Variants in PTPN6 observed in about 807,000 individuals in gnomAD.
The protein encoded by PTPN6 is protein tyrosine phosphatase non-receptor type 6, also known as tyrosine-protein phosphatase non-receptor type 6.
Under a neutral mutation model 81.5 loss-of-function variants are expected in PTPN6, and 18 were observed. The ratio of observed to expected loss-of-function variants is 0.22; its 90% CI spans 0.15 to 0.33. The LOEUF (loss-of-function observed/expected upper bound fraction) is 0.33. PTPN6 is among the 10% of genes least tolerant of loss of function. The pLI is 1.00. For synonymous variants in PTPN6, 301 were observed against 310.9 expected (o/e 0.97, Z 0.33); for missense variants, 500 against 794.2 (o/e 0.63, Z 4.45).
In PTPN6 at chr12:6,959,561, A is replaced by C; in HGVS notation, c.1362-366A>C. On this transcript the variant is annotated intron_variant, in intron 11 of 15. Coordinates refer to ENST00000318974, the MANE Select transcript of PTPN6 (RefSeq NM_002831.6). The surrounding 1 kb of genome is among the most constrained non-coding windows in gnomAD (Gnocchi z 6.6). ...GAGACGCTCCATAACTCCTTCAGGGAGAGGCGGGGAGGGCTCAGGGTACCT... is the reference window on the plus strand; with the variant it reads ...GAGACGCTCCATAACTCCTTCAGGGCGAGGCGGGGAGGGCTCAGGGTACCT... The C allele has an allele frequency of 2.2e-6, 1 of 455,804 alleles. No individual in the cohort carries two copies. The highest frequency in any genetic ancestry group is 4.0e-6 in the Non-Finnish European group (1 of 248,192). The allele number at this position is 455,804 out of a possible 1,614,324, so 28.2% of individuals were successfully genotyped here.
chr12:6,956,597 C>G lies in PTPN6; in HGVS notation c.1074+29C>G, dbSNP rs782797706. The G allele has an allele frequency of 1.2e-6, 2 of 1,612,538 alleles. No individual in the cohort carries two copies. The highest frequency in any genetic ancestry group is 1.3e-5 in the African/African-American group (1 of 74,972). ...GGGCGCCCCCCCTTCCCCGCATCCG[C>G]CCCCGTGCTTGTGGTCATGCCATTA... is the stretch of plus-strand genomic sequence containing the variant. On this transcript the variant is annotated intron_variant, in intron 9 of 15. Coordinates refer to ENST00000318974, the MANE Select transcript of PTPN6 (RefSeq NM_002831.6). The surrounding 1 kb of genome is among the most constrained non-coding windows in gnomAD (Gnocchi z 4.1).
At position 6,957,501 on chromosome 12, in the gene PTPN6, C is replaced by T. The variant is rs992586793; in HGVS notation, c.1075-153C>T. The stretch of plus-strand genomic sequence containing the variant: ...CCACCTGTTGGTGGTTGATCTGAGA[C>T]GAGAGCCCAGGTCTCCTGCCTCTCT... On this transcript the variant is annotated intron_variant, in intron 9 of 15. Transcript: ENST00000318974. The surrounding 1 kb of genome is among the most constrained non-coding windows in gnomAD (Gnocchi z 6.5). Among the ~76,000 whole-genome samples the T allele has an allele frequency of 1.8e-4, 27 of 152,212 alleles. No individual in the cohort carries two copies. The highest frequency in any genetic ancestry group is 1.5e-3 in the East Asian group (8 of 5,186).
chr12:6,952,550 C>T lies in PTPN6; in HGVS notation c.326+373C>T, dbSNP rs1224200512. The T allele has an allele frequency of 5.6e-6, 2 of 358,984 alleles. No homozygotes were observed. Among genetic ancestry groups the T allele is most frequent in the Non-Finnish European group, 1.1e-5 (2 of 186,408 alleles). The allele number at this position is 358,984 out of a possible 1,614,324, so 22.2% of individuals were successfully genotyped here. ...TTCCTCTGGAATCGAGCCTGCCTTC[C>T]TCCGTCTGCCCCTCACCCCAGCACA... On this transcript the variant is annotated intron_variant, in intron 3 of 15. Coordinates refer to ENST00000318974, the MANE Select transcript of PTPN6 (RefSeq NM_002831.6). This position sits in a 1 kb window ranked among gnomAD's most constrained non-coding sequence, Gnocchi z 8.1.
chr12:6,957,619 C>A lies in PTPN6; in HGVS notation c.1075-35C>A. 6.2e-7 allele frequency: 1 copy of A among 1,608,034 alleles called. No individual in the cohort carries two copies. Among genetic ancestry groups the A allele is most frequent in the South Asian group, 1.1e-5 (1 of 89,966 alleles). On this transcript the variant is annotated intron_variant, in intron 9 of 15. Transcript: ENST00000318974. This position sits in a 1 kb window ranked among gnomAD's most constrained non-coding sequence, Gnocchi z 6.5. Reference sequence around the variant, plus strand: ...CTGGGATGGGCCACAGTGCCCTGCTCTGTGCCTCATCCCCACCCGACCCTC... The same window carrying A: ...CTGGGATGGGCCACAGTGCCCTGCTATGTGCCTCATCCCCACCCGACCCTC...
rs781848407 is a variant in PTPN6 at position 6,952,160 on chromosome 12, C to T, written c.309C>T (p.Ser103=). 3.6e-5 allele frequency: 58 copies of T among 1,613,916 alleles called. No homozygotes were observed. Among genetic ancestry groups the T allele is most frequent in the African/African-American group, 6.7e-5 (5 of 74,912 alleles). ...ACCTCAAGTACCCGCTGAACTGCTC[C>T]GATCCCACTAGTGAGAGGTGAGGGC... The part of the protein sequence containing the change: ...IIHLKYPLNC[S]DPTSERWYHG... The change falls in exon 3 of 16, where the codon TCC becomes TCT. Residue 103 remains serine (S), a synonymous_variant. Coordinates refer to ENST00000318974, the MANE Select transcript of PTPN6 (RefSeq NM_002831.6). The surrounding 1 kb of genome is among the most constrained non-coding windows in gnomAD (Gnocchi z 8.1).
At chr12:6,950,368 T>C (rs1945903448), upstream of PTPN6, among the ~76,000 whole-genome samples, 1 of 151,954 alleles carries the variant, frequency 6.6e-6, no homozygotes, top group African/African-American at 2.4e-5. Flanking sequence ...GCGGTGTTGA[T>C]GTTTGTATTT....
chr12:6,955,700 T>A lies in PTPN6; in HGVS notation c.788T>A (p.Leu263Gln). 1 of 1,613,958 alleles carries A rather than the reference T, an allele frequency of 6.2e-7. No homozygotes were observed. The highest frequency in any genetic ancestry group is 8.5e-7 in the Non-Finnish European group (1 of 1,179,982). ...KQEVKNLHQRLEGQRPENKGK... is the reference protein window; with the variant it reads ...KQEVKNLHQRQEGQRPENKGK... ...GAGGTGAAGAACTTGCACCAGCGTC[T>A]GGAAGGGCAGCGGCCAGAGAACAAG... The change falls in exon 7 of 16, where the codon CTG becomes CAG. Residue 263 changes from leucine to glutamine, a missense_variant. Coordinates refer to ENST00000318974, the MANE Select transcript of PTPN6 (RefSeq NM_002831.6). The surrounding 1 kb of genome is among the most constrained non-coding windows in gnomAD (Gnocchi z 7.2).
At position 6,960,793 on chromosome 12, in the gene PTPN6, C is replaced by T. The variant is rs1946125165; in HGVS notation, c.1674-13C>T. The T allele has an allele frequency of 6.4e-7, 1 of 1,555,574 alleles. No individual in the cohort carries two copies. The highest frequency in any genetic ancestry group is 8.7e-7 in the Non-Finnish European group (1 of 1,149,032). ...CCAACTGCCTGTACTTGCCCCCCTG[C>T]ACCCGGCTGCAGACACAAGGAGGAT... On this transcript the variant is annotated splice_polypyrimidine_tract_variant and intron_variant, in intron 14 of 15. Transcript: ENST00000318974. The surrounding 1 kb of genome is among the most constrained non-coding windows in gnomAD (Gnocchi z 6.1).
At chr12:6,946,889 C>A, upstream of PTPN6, 1 of 876,790 alleles carries the variant, frequency 1.1e-6, no homozygotes, top group Non-Finnish European at 1.9e-6. Context: ...TTCCCCTTCC[C>A]GCAAGGTGTG....
In PTPN6 at chr12:6,955,619, C is replaced by A; in HGVS notation, c.748-41C>A. ...CACGTGAGCTCCCCCGATGGATGCC[C>A]TCTTTGGGAGCTGATGCTCATTTCC... is the stretch of plus-strand genomic sequence containing the variant. On this transcript the variant is annotated intron_variant, in intron 6 of 15. Coordinates refer to ENST00000318974, the MANE Select transcript of PTPN6 (RefSeq NM_002831.6). This position sits in a 1 kb window ranked among gnomAD's most constrained non-coding sequence, Gnocchi z 7.2. 1 of 1,601,072 alleles carries A rather than the reference C, an allele frequency of 6.2e-7. No homozygotes were observed. The highest frequency in any genetic ancestry group is 8.6e-7 in the Non-Finnish European group (1 of 1,168,252).
rs782494259 is a variant in PTPN6, at chr12:6,960,381, C to G, written c.1619C>G (p.Thr540Ser). The change falls in exon 14 of 16, where the codon ACC becomes AGC. Residue 540 changes from threonine (T) to serine (S), a missense_variant. Physicochemically the swap from Thr to Ser is moderately conservative, Grantham distance 58 (BLOSUM62 1). Transcript: ENST00000318974. This position sits in a 1 kb window ranked among gnomAD's most constrained non-coding sequence, Gnocchi z 6.1. The stretch of plus-strand genomic sequence containing the variant: ...CAGGAGTCGGAGTACGGGAACATCA[C>G]CTATCCCCCAGCCATGAAGAATGCC... ...KGQESEYGNI[T>S]YPPAMKNAHA... is the part of the protein sequence containing the mutation. 2 of 1,613,804 alleles carry G rather than the reference C, an allele frequency of 1.2e-6. No homozygotes were observed. The highest frequency in any genetic ancestry group is 2.7e-5 in the African/African-American group (2 of 75,014).
rs781985113 is a variant in PTPN6, at chr12:6,957,864, A to G, written c.1207-55A>G. 2.0e-5 allele frequency: 33 copies of G among 1,613,898 alleles called. No individual in the cohort carries two copies. The East Asian group carries it at 6.2e-4, about 31-fold the overall frequency. On this transcript the variant is annotated intron_variant, in intron 10 of 15. Coordinates refer to ENST00000318974, the MANE Select transcript of PTPN6 (RefSeq NM_002831.6). This position sits in a 1 kb window ranked among gnomAD's most constrained non-coding sequence, Gnocchi z 6.5. ...CTCCTCTCTGGTCGGGTAGGGTGAG[A>G]TGGATGAGGTGTTCCGAGAGAGGAG...
At position 6,952,100 on chromosome 12, in the gene PTPN6, G is replaced by C; in HGVS notation, c.249G>C (p.Gln83His). The part of the protein sequence containing the change: ...TELVEYYTQQ[Q>H]GVLQDRDGTI... ...TGGTGGAGTACTACACTCAGCAGCA[G>C]GGTGTCCTGCAGGACCGCGACGGCA... The change falls in exon 3 of 16, where the codon CAG (glutamine) becomes CAC (histidine). Residue 83 changes from glutamine (Q) to histidine (H), a missense_variant. Physicochemically the swap from Gln to His is conservative, Grantham distance 24 (BLOSUM62 0). Around this residue, in one of 6 missense-constraint regions of PTPN6, gnomAD observed 98 missense variants for 199.2 expected, o/e 0.49. Transcript: ENST00000318974. This position sits in a 1 kb window ranked among gnomAD's most constrained non-coding sequence, Gnocchi z 8.1. 1 of 1,614,140 alleles carries C rather than the reference G, an allele frequency of 6.2e-7. No individual in the cohort carries two copies. Among genetic ancestry groups the C allele is most frequent in the Non-Finnish European group, 8.5e-7 (1 of 1,180,020 alleles).
Position 6,960,259 on chromosome 12 carries a change from T to TGGGCG in PTPN6, c.1581+23_1581+24insCGGGG, listed in dbSNP as rs782034662. ...CTGCAGGTGCGTGCAGAGCAGGGCC[T>TGGGCG]GGGGGGGGGGGGGGCTGCAGTGCAG... is the stretch of plus-strand genomic sequence containing the variant. On this transcript the variant is annotated intron_variant, in intron 13 of 15. Transcript: ENST00000318974. This position sits in a 1 kb window ranked among gnomAD's most constrained non-coding sequence, Gnocchi z 6.1. 5.0e-5 allele frequency: 57 copies of TGGGCG among 1,147,616 alleles called. 2 individuals carry two copies. In the African/African-American group the frequency reaches 6.5e-4, roughly 13 times the overall value. 71.1% of individuals were successfully genotyped at this position (1,147,616 alleles called of 1,614,324 possible).
chr12:6,947,040 T>A (rs1171643231), upstream of PTPN6, among the ~76,000 whole-genome samples: 2 of 152,188 alleles, frequency 1.3e-5, no homozygotes, highest in Non-Finnish European at 2.9e-5. Flanking sequence ...CCTGTCCCCC[T>A]GGGTAGCTCA....
chr12:6,956,893 T>TC lies in PTPN6; in HGVS notation c.1074+330dup, dbSNP rs1376429750. Among the ~76,000 whole-genome samples the TC allele has an allele frequency of 6.6e-6, 1 of 151,626 alleles. No homozygotes were observed. Among genetic ancestry groups the TC allele is most frequent in the Admixed American group, 6.6e-5 (1 of 15,224 alleles). On this transcript the variant is annotated intron_variant, in intron 9 of 15. Coordinates refer to ENST00000318974, the MANE Select transcript of PTPN6 (RefSeq NM_002831.6). This position sits in a 1 kb window ranked among gnomAD's most constrained non-coding sequence, Gnocchi z 4.1. ...GGAGTCTGCCCCTTACCCTGCAGGC[T>TC]CCCCCTACACAGCACCCTCTGTGCT... is the stretch of plus-strand genomic sequence containing the variant.
rs782718444 is a variant in PTPN6 at position 6,951,442 on chromosome 12, G to A, written c.-71G>A. On this transcript the variant is annotated 5_prime_UTR_variant, in exon 1 of 16. Coordinates refer to ENST00000318974, the MANE Select transcript of PTPN6 (RefSeq NM_002831.6). This position sits in a 1 kb window ranked among gnomAD's most constrained non-coding sequence, Gnocchi z 7.2. ...GCTGCATCTGAGGCTTAGTCCCTGAGCTCTCTGCCTGCCCAGACTAGCTGC... is the reference window on the plus strand; with the variant it reads ...GCTGCATCTGAGGCTTAGTCCCTGAACTCTCTGCCTGCCCAGACTAGCTGC... 30 of 1,603,494 alleles carry A rather than the reference G, an allele frequency of 1.9e-5. No individual in the cohort carries two copies. The highest frequency in any genetic ancestry group is 2.6e-5 in the Non-Finnish European group (30 of 1,175,312).
In PTPN6 at chr12:6,951,609, G is replaced by A. The variant is rs1945926631; in HGVS notation, c.9G>A (p.Arg3=). 6.2e-6 allele frequency: 10 copies of A among 1,613,956 alleles called. No homozygotes were observed. The African/African-American group carries it at 6.7e-5, about 11-fold the overall frequency. ...TCACTGCCCTGCCTGGGCCGCCCAG[G>A]TGGTTTCACCGAGACCTCAGTGGGC... MV[R]WFHRDLSGLD... The change falls in exon 2 of 16, where the codon AGG becomes AGA. Residue 3 remains arginine, a splice_region_variant and synonymous_variant. Transcript: ENST00000318974. The surrounding 1 kb of genome is among the most constrained non-coding windows in gnomAD (Gnocchi z 7.2).
chr12:6,958,271 G>A (rs1406780023), intron 11 of PTPN6, among the ~76,000 whole-genome samples, 198 bp downstream of exon 11: 3 of 152,170 alleles, frequency 2.0e-5, no homozygotes, highest in African/African-American at 7.2e-5. Context: ...TTGGCCCTCT[G>A]CCTGTGGGTA....
Sources: allele counts gnomAD v4.1 joint callset (sites outside exome capture counted in the v4.1 genomes callset), GRCh38; gene constraint gnomAD v4.1.1; regional missense constraint gnomAD v4.1.1; non-coding constraint Gnocchi (gnomAD v3.1); transcripts MANE v1.5; gene names NCBI Gene and HGNC (gene_info 2026-07-23, HGNC 2026-07-21).